The following PCDH11X variants were observed in gnomAD, a reference collection of about 807,000 sequenced individuals.
PCDH11X encodes the protein protocadherin 11 X-linked.
A neutral mutation model predicts 53.3 loss-of-function variants in PCDH11X; 18 were observed. The ratio of observed to expected loss-of-function variants is 0.34; its 90% CI spans 0.23 to 0.50. The LOEUF (loss-of-function observed/expected upper bound fraction) is 0.50, where lower values mean the gene tolerates loss of function less well. Ranked by LOEUF, PCDH11X falls within the 20% of genes least tolerant of loss-of-function variation. PCDH11X has a pLI of 0.98. For synonymous variants in PCDH11X, 279 were observed against 393.3 expected (o/e 0.71, Z 3.44); for missense variants, 570 against 1,032.4 (o/e 0.55, Z 6.14).
chrX:91,915,906 C>A (rs1488739984), intron 6 of PCDH11X, among the ~76,000 whole-genome samples: 1 of 110,236 alleles, frequency 9.1e-6, no homozygotes, highest in Non-Finnish European at 1.9e-5. Context: ...TTTTTCAGCA[C>A]ATGGAATATC....
chrX:92,049,571 C>A (rs2063337951), intron 6 of PCDH11X, among the ~76,000 whole-genome samples: 1 of 109,888 alleles, frequency 9.1e-6, no homozygotes, highest in African/African-American at 3.3e-5. Flanking sequence ...TTGAATTTAG[C>A]CTTTGAAAGA....
intron 7 of PCDH11X, among the ~76,000 whole-genome samples, chrX:92,253,334 G>A (rs1248149399): frequency 1.8e-5 from 2 of 111,524 alleles, no homozygotes; most frequent in African/African-American, 3.3e-5. Flanking sequence ...ATGCTGTTTT[G>A]GTCACTACAG....
chrX:92,571,282 G>A (rs1439643290), intron 10 of PCDH11X, among the ~76,000 whole-genome samples: 1 of 110,714 alleles, frequency 9.0e-6, no homozygotes, highest in Non-Finnish European at 1.9e-5. Context: ...TGTTTACTTT[G>A]TGACTTTGGC....
At chrX:91,837,027 T>G (rs1411347924) in intron 5 of PCDH11X, among the ~76,000 whole-genome samples, 1 of 106,503 alleles carries the variant, frequency 9.4e-6, no homozygotes, top group African/African-American at 3.4e-5. Context: ...TTTTCACACT[T>G]TTATAAATAT....
intron 6 of PCDH11X, among the ~76,000 whole-genome samples, chrX:92,030,026 G>A (rs1320821015): frequency 2.7e-4 from 30 of 111,901 alleles, no homozygotes; most frequent in African/African-American, 9.4e-4. Flanking sequence ...GCAGTGGCAC[G>A]ATCTCGGCTC....
intron 8 of PCDH11X, among the ~76,000 whole-genome samples, chrX:92,293,591 C>T (rs2068543792): frequency 9.6e-6 from 1 of 103,628 alleles, no homozygotes; most frequent in Non-Finnish European, 1.9e-5. Flanking sequence ...CCACTGCACT[C>T]CAGCCTGGGC....
Position 91,879,042 on chromosome X carries a change from T to C in PCDH11X, c.2802T>C (p.Asp934=). The change falls in exon 6 of 11, where the codon GAT becomes GAC. Residue 934 remains aspartate, a synonymous_variant. Coordinates refer to ENST00000682573, the MANE Select transcript of PCDH11X (RefSeq NM_032968.5). ...TPTTFKPDSP[D]LARHYKSASP... is the part of the protein sequence containing the mutation. ...CTACTTTCAAGCCCGACAGCCCTGA[T>C]TTGGCCCGACACTACAAATCTGCCT... The C allele has an allele frequency of 8.3e-7, 1 of 1,211,345 alleles. No homozygotes were observed. The highest frequency in any genetic ancestry group is 1.1e-6 in the Non-Finnish European group (1 of 895,386).
intron 1 of PCDH11X, among the ~76,000 whole-genome samples, chrX:91,781,814 T>C (rs1304271248): frequency 8.9e-6 from 1 of 112,268 alleles, no homozygotes; most frequent in Non-Finnish European, 1.9e-5. Context: ...CGGGCGGTCT[T>C]GACGAAAGAA....
intron 6 of PCDH11X, among the ~76,000 whole-genome samples, chrX:92,047,595 T>C (rs959031432): frequency 1.8e-5 from 2 of 109,764 alleles, no homozygotes; most frequent in African/African-American, 6.6e-5. Context: ...ACAGAAAATA[T>C]TTATGGCTTA....
chrX:91,995,226 A>C (rs1311318955), intron 6 of PCDH11X, among the ~76,000 whole-genome samples: 1 of 107,694 alleles, frequency 9.3e-6, no homozygotes, highest in African/African-American at 3.5e-5. Context: ...AAAAAAAAAA[A>C]AACAAAAAAA....
At chrX:91,977,065 A>G (rs1402867894) in intron 6 of PCDH11X, among the ~76,000 whole-genome samples, 2 of 109,459 alleles carry the variant, frequency 1.8e-5, no homozygotes, top group African/African-American at 6.7e-5. Flanking sequence ...TGTTTCCCTC[A>G]CTCCAAGTCT....
intron 7 of PCDH11X, among the ~76,000 whole-genome samples, chrX:92,212,267 T>G (rs2148337685): frequency 8.9e-6 from 1 of 111,929 alleles, no homozygotes; most frequent in East Asian, 2.8e-4. Context: ...CCACCTTGGC[T>G]TCCCAAAGTG....
intron 6 of PCDH11X, among the ~76,000 whole-genome samples, chrX:92,002,537 A>T (rs1449473742): frequency 3.7e-5 from 4 of 108,536 alleles, no homozygotes; most frequent in Non-Finnish European, 5.7e-5. Context: ...TGAAAATGGA[A>T]TTTTTTTTCC....
rs148667528 is a variant in PCDH11X at position 92,001,760 on chromosome X, G to A, written c.3033+122487G>A. ...TGGGATTATAGGTGTGAGCCACCACGCCCAGCCCTGTTTGAGCTCTTTATA... is the reference window on the plus strand; with the variant it reads ...TGGGATTATAGGTGTGAGCCACCACACCCAGCCCTGTTTGAGCTCTTTATA... On this transcript the variant is annotated intron_variant, in intron 6 of 10. Transcript: ENST00000682573. 8.1e-3 allele frequency among the ~76,000 whole-genome samples: 905 copies of A among 111,158 alleles called. 30 individuals carry two copies. Among genetic ancestry groups the A allele is most frequent in the Admixed American group, 0.071 (740 of 10,424 alleles).
At chrX:92,581,552 G>A (rs752050221) in intron 10 of PCDH11X, among the ~76,000 whole-genome samples, 39 of 111,898 alleles carry the variant, frequency 3.5e-4, no homozygotes, top group Middle Eastern at 4.6e-3. Flanking sequence ...CCCCAGCCAC[G>A]TGAACTGTGA....
chrX:92,606,904 G>A (rs1926885378), intron 10 of PCDH11X, among the ~76,000 whole-genome samples: 1 of 110,050 alleles, frequency 9.1e-6, no homozygotes, highest in Non-Finnish European at 1.9e-5. Context: ...CAAATTACTA[G>A]TAAGTATATC....
intron 9 of PCDH11X, among the ~76,000 whole-genome samples, chrX:92,436,068 T>G (rs1257576341): frequency 1.8e-5 from 2 of 110,608 alleles, no homozygotes; most frequent in Non-Finnish European, 3.8e-5. Context: ...TTTTGCAAAC[T>G]GTGCATTCAA....
chrX:92,478,399 C>T (rs1334652177), intron 10 of PCDH11X, among the ~76,000 whole-genome samples: 2 of 110,287 alleles, frequency 1.8e-5, no homozygotes, highest in African/African-American at 3.3e-5. Flanking sequence ...TATTTCTTGT[C>T]TTCTGCTAGC....
chrX:91,929,380 C>T (rs1195610453), intron 6 of PCDH11X, among the ~76,000 whole-genome samples: 1 of 110,150 alleles, frequency 9.1e-6, no homozygotes, highest in East Asian at 2.9e-4. Flanking sequence ...CTAGTCTGAG[C>T]CCTTGAACAT....
Sources: allele counts gnomAD v4.1 joint callset (sites outside exome capture counted in the v4.1 genomes callset), GRCh38; gene constraint gnomAD v4.1.1; transcripts MANE v1.5; gene names NCBI Gene and HGNC (gene_info 2026-07-23, HGNC 2026-07-21).